PHACTR1: variants seen among roughly 807,000 people sequenced by gnomAD.
PHACTR1 encodes the protein phosphatase and actin regulator 1.
A neutral mutation model predicts 69.2 loss-of-function variants in PHACTR1; 16 were observed. The observed-to-expected ratio is 0.23, with a 90% CI of 0.16 to 0.35. The LOEUF (loss-of-function observed/expected upper bound fraction) is 0.35. Ranked by LOEUF, PHACTR1 falls within the 10% of genes least tolerant of loss-of-function variation. PHACTR1 has a pLI of 1.00. For synonymous variants in PHACTR1, 312 were observed against 284.5 expected, an observed-to-expected ratio of 1.10 and a Z score of -0.97; for missense variants, 510 against 734.7, an observed-to-expected ratio of 0.69 and a Z score of 3.54.
chr6:13,170,943 A>G (rs1397779071), intron 6 of PHACTR1, among the ~76,000 whole-genome samples: 23 of 152,084 alleles, frequency 1.5e-4, no homozygotes, highest in South Asian at 4.1e-4. Flanking sequence ...CCATCCTCCC[A>G]TGGAATGATG....
chr6:12,746,253 G>A (rs1765770229), intron 3 of PHACTR1, among the ~76,000 whole-genome samples: 1 of 152,216 alleles, frequency 6.6e-6, no homozygotes, highest in South Asian at 2.1e-4. Context: ...AGAATTCAAG[G>A]CTGGACACAA....
At position 13,053,486 on chromosome 6, in the gene PHACTR1, A is replaced by C; in HGVS notation, c.372A>C (p.Lys124Asn). The C allele has an allele frequency of 6.2e-7, 1 of 1,613,928 alleles. No individual in the cohort carries two copies. Among genetic ancestry groups the C allele is most frequent in the Non-Finnish European group, 8.5e-7 (1 of 1,179,878 alleles). The stretch of plus-strand genomic sequence containing the variant: ...TGGGAAGGATTTTCAAGCCTTGGAA[A>C]TGGAGGAAGAAGAAAAGCGAAAAGT... ...ANLGRIFKPW[K>N]WRKKKSEKFK... Residue 124 changes from lysine (K) to asparagine (N), a missense_variant, in exon 5 of 15, where the codon AAA becomes AAC. By Grantham distance (94) the Lys-to-Asn change is moderately conservative (BLOSUM62 0). Transcript: ENST00000332995.
At chr6:12,978,919 T>A (rs1035662102) in intron 4 of PHACTR1, among the ~76,000 whole-genome samples, 1 of 152,230 alleles carries the variant, frequency 6.6e-6, no homozygotes, top group African/African-American at 2.4e-5. Context: ...TCCTAGTGAT[T>A]ACTGGGCGTG....
intron 4 of PHACTR1, among the ~76,000 whole-genome samples, chr6:12,920,798 G>A (rs921718909): frequency 6.6e-6 from 1 of 152,218 alleles, no homozygotes; most frequent in African/African-American, 2.4e-5. Context: ...ATGTCAAGCA[G>A]CTTTTGGGGA....
intron 5 of PHACTR1, among the ~76,000 whole-genome samples, chr6:13,055,962 G>A (rs1253019829): frequency 2.0e-5 from 3 of 152,306 alleles, no homozygotes; most frequent in East Asian, 3.9e-4. Flanking sequence ...ATTGATTAAC[G>A]TGGCAGCTGA....
intron 6 of PHACTR1, among the ~76,000 whole-genome samples, chr6:13,170,186 CA>C (rs1224295641): frequency 6.6e-6 from 1 of 152,092 alleles, no homozygotes; most frequent in Non-Finnish European, 1.5e-5. Context: ...AATTTTGCAC[CA>C]AAGGTTTTTC....
chr6:12,887,113 G>A (rs1783720184), intron 4 of PHACTR1, among the ~76,000 whole-genome samples: 2 of 152,020 alleles, frequency 1.3e-5, no homozygotes, highest in African/African-American at 4.8e-5. Context: ...GTTCCACTCA[G>A]TTGGCCAGCA....
chr6:12,992,521 T>C (rs989361678), intron 4 of PHACTR1, among the ~76,000 whole-genome samples: 3 of 152,236 alleles, frequency 2.0e-5, no homozygotes, highest in Non-Finnish European at 4.4e-5. Flanking sequence ...CTGACGTATC[T>C]CTTATCTGTG....
chr6:12,747,509 A>T (rs1311961878), intron 3 of PHACTR1, among the ~76,000 whole-genome samples: 1 of 151,886 alleles, frequency 6.6e-6, no homozygotes, highest in Non-Finnish European at 1.5e-5. Flanking sequence ...ACAAAAAAGA[A>T]AAAAAAATTA....
At chr6:13,158,083 T>C (rs562136746) in intron 5 of PHACTR1, among the ~76,000 whole-genome samples, 27 of 152,224 alleles carry the variant, frequency 1.8e-4, no homozygotes, top group African/African-American at 5.5e-4. Context: ...GGTTTCACCA[T>C]GTTGACCAGG....
At chr6:13,231,459 GGAAGGAAGGAAGGAAGGAAA>G (rs1339665811) in intron 10 of PHACTR1, among the ~76,000 whole-genome samples, 152 of 51,226 alleles carry the variant, frequency 3.0e-3, no homozygotes, top group African/African-American at 5.8e-3. Context: ...AAGGAAAGAA[GGAAGGAAGGAAGGAAGGAAA>G]GAAGGAAGGA....
Position 12,838,412 on chromosome 6 carries a change from T to C in PHACTR1, c.250+88622T>C, listed in dbSNP as rs9395163. ...ACCCTTCCTTGTTTCGATTCCTAGATTGAAAGACCATATATAACCCCTGCT... is the reference window on the plus strand; with the variant it reads ...ACCCTTCCTTGTTTCGATTCCTAGACTGAAAGACCATATATAACCCCTGCT... On this transcript the variant is annotated intron_variant, in intron 4 of 14. Transcript: ENST00000332995. Among the ~76,000 whole-genome samples the C allele has an allele frequency of 7.6e-3, 1,156 of 152,250 alleles. 45 individuals are homozygous for C. The East Asian group carries it at 0.12, about 15-fold the overall frequency.
chr6:13,037,789 A>T lies in PHACTR1; in HGVS notation c.251-15576A>T, dbSNP rs568773863. ...TGTGTGGAAGACTTGAGGGCAAGTA[A>T]CAAAAGTCAGAACACAGAAACTGAT... On this transcript the variant is annotated intron_variant, in intron 4 of 14. Coordinates refer to ENST00000332995, the MANE Select transcript of PHACTR1 (RefSeq NM_030948.6). 2.6e-4 allele frequency among the ~76,000 whole-genome samples: 39 copies of T among 152,338 alleles called. No individual in the cohort carries two copies. In the South Asian group the frequency reaches 7.9e-3, roughly 31 times the overall value.
At chr6:12,802,190 T>C (rs2127678791) in intron 4 of PHACTR1, among the ~76,000 whole-genome samples, 1 of 150,874 alleles carries the variant, frequency 6.6e-6, no homozygotes, top group African/African-American at 2.4e-5. Context: ...ATAACTGGCA[T>C]TAATAGCCAG....
chr6:12,898,311 G>A (rs1284868799), intron 4 of PHACTR1, among the ~76,000 whole-genome samples: 3 of 152,036 alleles, frequency 2.0e-5, no homozygotes, highest in Non-Finnish European at 2.9e-5. Flanking sequence ...TCCAAATACC[G>A]ACGGGAGCTG....
intron 3 of PHACTR1, 76 bp from the exon 4 acceptor site, chr6:12,749,568 G>T (rs763511531): frequency 1.2e-5 from 3 of 242,704 alleles, no homozygotes; most frequent in Non-Finnish European, 2.2e-5. Context: ...CCCCTCCCCC[G>T]TGCGCGAGCC....
At chr6:13,242,773 A>G (rs1348240195) in intron 10 of PHACTR1, among the ~76,000 whole-genome samples, 4 of 152,228 alleles carry the variant, frequency 2.6e-5, no homozygotes, top group Non-Finnish European at 5.9e-5. Context: ...AGTTTGTTTT[A>G]TATGAGTTTA....
chr6:12,890,420 T>A (rs1291354020), intron 4 of PHACTR1, among the ~76,000 whole-genome samples: 2 of 152,056 alleles, frequency 1.3e-5, no homozygotes, highest in East Asian at 3.9e-4. Flanking sequence ...GCCTCCTCTC[T>A]TCAAAACCCT....
intron 4 of PHACTR1, among the ~76,000 whole-genome samples, chr6:12,956,258 G>A (rs896184216): frequency 2.6e-5 from 4 of 152,304 alleles, no homozygotes; most frequent in South Asian, 2.1e-4. Flanking sequence ...GTTCATCTGC[G>A]CTTTGACATG....
Sources: gnomAD v4.1 joint callset for allele counts (sites outside exome capture counted in the v4.1 genomes callset) on GRCh38, gnomAD v4.1.1 for gene constraint, MANE v1.5 for transcripts, NCBI Gene and HGNC (gene_info 2026-07-23, HGNC 2026-07-21) for gene names.